Variants in SND1 observed in about 807,000 individuals in gnomAD.
The protein encoded by SND1 is staphylococcal nuclease and tudor domain containing 1, also known as staphylococcal nuclease domain-containing protein 1.
In SND1, 38 loss-of-function variants were observed where a neutral mutation model predicts 121.7. That is an observed-to-expected ratio of 0.31 (90% CI 0.24 to 0.41). SND1 has a LOEUF of 0.41. SND1 is among the 10% of genes least tolerant of loss of function. The pLI is 1.00. For missense variants in SND1, 868 were observed against 1,184.6 expected, an observed-to-expected ratio of 0.73 and a Z score of 3.92; for synonymous variants, 401 against 447.4, an observed-to-expected ratio of 0.90 and a Z score of 1.31.
intron 10 of SND1, among the ~76,000 whole-genome samples, chr7:127,798,573 T>A (rs1015900362): frequency 3.3e-5 from 5 of 152,166 alleles, no homozygotes; most frequent in Non-Finnish European, 7.4e-5. Flanking sequence ...ATTAACCTAC[T>A]TACTTTTTTT....
intron 12 of SND1, among the ~76,000 whole-genome samples, chr7:127,864,720 A>G (rs1799436887): frequency 6.6e-6 from 1 of 152,282 alleles, no homozygotes; most frequent in African/African-American, 2.4e-5. Flanking sequence ...ACTTCCCTGC[A>G]CTATGGATTT....
At chr7:127,953,838 A>G (rs1488479136) in intron 15 of SND1, among the ~76,000 whole-genome samples, 1 of 152,104 alleles carries the variant, frequency 6.6e-6, no homozygotes, top group East Asian at 1.9e-4. Flanking sequence ...TCCTGCTGCT[A>G]CTCTTAGCCT....
intron 4 of SND1, 35 bp from the exon 5 acceptor site, chr7:127,701,128 T>G (rs1290170033): frequency 1.2e-6 from 2 of 1,607,390 alleles, no homozygotes; most frequent in Non-Finnish European, 8.5e-7. Flanking sequence ...GTTTGTGAAC[T>G]CACTAACCAC....
chr7:127,678,773 A>G (rs746238), intron 1 of SND1, among the ~76,000 whole-genome samples: 9,982 of 152,184 alleles, frequency 0.066, 416 homozygotes, highest in Middle Eastern at 0.19. Context: ...CTTTTTCCTG[A>G]TATGCATTTT....
intron 16 of SND1, among the ~76,000 whole-genome samples, chr7:128,062,633 G>A (rs1416558510): frequency 6.6e-6 from 1 of 152,092 alleles, no homozygotes; most frequent in African/African-American, 2.4e-5. Context: ...CTTCTCTCTG[G>A]TGCCTTCTTC....
intron 10 of SND1, among the ~76,000 whole-genome samples, chr7:127,763,319 A>G (rs1797338638): frequency 6.6e-6 from 1 of 152,150 alleles, no homozygotes; most frequent in South Asian, 2.1e-4. Flanking sequence ...AAAATCAAGC[A>G]TATGTGCACA....
chr7:127,869,415 G>T (rs1022120924), intron 12 of SND1, among the ~76,000 whole-genome samples: 1 of 152,178 alleles, frequency 6.6e-6, no homozygotes, highest in Admixed American at 6.5e-5. Context: ...TAGAGGGATG[G>T]TGACAAGTTT....
intron 10 of SND1, among the ~76,000 whole-genome samples, chr7:127,742,106 G>A (rs1013712194): frequency 1.3e-5 from 2 of 152,122 alleles, no homozygotes; most frequent in African/African-American, 4.8e-5. Context: ...TACTTGATGG[G>A]CAGCTGGTAG....
intron 1 of SND1, among the ~76,000 whole-genome samples, chr7:127,669,212 C>T (rs1054938476): frequency 9.2e-5 from 14 of 152,136 alleles, no homozygotes; most frequent in Admixed American, 4.6e-4. Flanking sequence ...AGGCTGGTCT[C>T]GAACTCTTGC....
intron 16 of SND1, among the ~76,000 whole-genome samples, chr7:128,044,995 C>A (rs564977838): frequency 6.6e-6 from 1 of 152,096 alleles, no homozygotes; most frequent in African/African-American, 2.4e-5. Flanking sequence ...CTGTCTGATG[C>A]CTTCTCCAAG....
intron 2 of SND1, 107 bp downstream of exon 2, chr7:127,686,869 T>A (rs1478857987): frequency 2.3e-6 from 3 of 1,279,786 alleles, no homozygotes; most frequent in Non-Finnish European, 3.3e-6. Context: ...TTTTGAGTAT[T>A]TTTATATCAT....
intron 16 of SND1, among the ~76,000 whole-genome samples, chr7:128,068,691 T>C (rs1259080909): frequency 6.6e-6 from 1 of 152,166 alleles, no homozygotes; most frequent in Non-Finnish European, 1.5e-5. Context: ...TGGGGGCTGC[T>C]CCATGCTCTT....
In SND1 at chr7:127,710,914, A is replaced by G. The variant is rs186588976; in HGVS notation, c.1038+3267A>G. Among the ~76,000 whole-genome samples, 10 of 152,332 alleles carry G rather than the reference A, an allele frequency of 6.6e-5. No individual in the cohort carries two copies. In the East Asian group the frequency reaches 1.9e-3, roughly 29 times the overall value. On this transcript the variant is annotated intron_variant, in intron 9 of 23. Coordinates refer to ENST00000354725, the MANE Select transcript of SND1 (RefSeq NM_014390.4). ...ATTTATTTTAAGTGATAATCACCAC[A>G]GTGCTATATAGCATATTATGGCTAC...
intron 14 of SND1, among the ~76,000 whole-genome samples, chr7:127,918,107 G>A (rs1461037462): frequency 2.0e-5 from 3 of 148,338 alleles, no homozygotes; most frequent in Non-Finnish European, 3.0e-5. Context: ...TTGTAGCCCA[G>A]GCTGGAGTGC....
At position 127,786,631 on chromosome 7, in the gene SND1, TTTTG is replaced by T. The variant is rs547892352; in HGVS notation, c.1153-20829_1153-20826del. Among the ~76,000 whole-genome samples the T allele has an allele frequency of 9.1e-4, 138 of 151,754 alleles. 3 individuals are homozygous for T. Among genetic ancestry groups the T allele is most frequent in the Middle Eastern group, 6.8e-3 (2 of 294 alleles). ...CATAGTGTTTTTTTGTTTTGTTTTGTTTTGTTTGTTTGTTTGTTTGTTTGTTTTT... is the reference window on the plus strand; with the variant it reads ...CATAGTGTTTTTTTGTTTTGTTTTGTTTTGTTTGTTTGTTTGTTTGTTTTT... On this transcript the variant is annotated intron_variant, in intron 10 of 23. Transcript: ENST00000354725.
chr7:128,031,522 C>T (rs1195221244), intron 16 of SND1: 2 of 151,414 alleles, frequency 1.3e-5, no homozygotes, highest in East Asian at 3.9e-4. Flanking sequence ...TTCTCCTCGC[C>T]TCTTCTCGGA....
At chr7:128,063,790 T>G (rs1443692700) in intron 16 of SND1, among the ~76,000 whole-genome samples, 1 of 152,208 alleles carries the variant, frequency 6.6e-6, no homozygotes, top group African/African-American at 2.4e-5. Context: ...AGTTTACAGG[T>G]GAAGTCATAG....
At chr7:127,749,870 G>A (rs1797054271) in intron 10 of SND1, among the ~76,000 whole-genome samples, 1 of 152,160 alleles carries the variant, frequency 6.6e-6, no homozygotes, top group Admixed American at 6.5e-5. Flanking sequence ...AATTTGGGAG[G>A]CCAAGATGGG....
At chr7:127,945,194 CTT>C (rs1801301077) in intron 15 of SND1, among the ~76,000 whole-genome samples, 1 of 152,346 alleles carries the variant, frequency 6.6e-6, no homozygotes, top group South Asian at 2.1e-4. Context: ...CGTTTTGACT[CTT>C]TTAAAATTTA....
Sources: gnomAD v4.1 joint callset for allele counts (sites outside exome capture counted in the v4.1 genomes callset) on GRCh38, gnomAD v4.1.1 for gene constraint, MANE v1.5 for transcripts, NCBI Gene and HGNC (gene_info 2026-07-23, HGNC 2026-07-21) for gene names.